COPG2: variants seen among roughly 807,000 people sequenced by gnomAD.
The protein encoded by COPG2 is coat protein complex I subunit gamma 2, also known as coatomer subunit gamma-2.
COPG2 carries 37 observed loss-of-function variants against 46.3 expected under a neutral mutation model. That is an observed-to-expected ratio of 0.80 (90% CI 0.61 to 1.05). The LOEUF (loss-of-function observed/expected upper bound fraction) is 1.05. Among genes scored for constraint, COPG2 ranks in the 50% least tolerant of loss-of-function variants. COPG2 has a pLI of 0.00. For missense variants in COPG2, 427 were observed against 387.8 expected (o/e 1.10, Z -0.85); for synonymous variants, 159 against 129.7 (o/e 1.23, Z -1.53).
intron 9 of COPG2, among the ~76,000 whole-genome samples, chr7:130,591,032 C>A (rs1794397782): frequency 6.6e-6 from 1 of 151,128 alleles, no homozygotes. Context: ...GCCACCCCCT[C>A]CAGGAGGGAG....
intron 5 of COPG2, chr7:130,645,454 C>T (rs17647828): frequency 0.058 from 20,255 of 351,138 alleles, 703 homozygotes; most frequent in South Asian, 0.089. Flanking sequence ...ATGTCTTTCT[C>T]CAACCGGACC....
intron 9 of COPG2, among the ~76,000 whole-genome samples, chr7:130,578,945 C>G (rs1794074190): frequency 6.7e-6 from 1 of 149,174 alleles, no homozygotes; most frequent in South Asian, 2.2e-4. Flanking sequence ...TCCAGCAGAA[C>G]TTCCCCAATC....
intron 20 of COPG2, among the ~76,000 whole-genome samples, chr7:130,537,847 A>T (rs895924068): frequency 7.9e-5 from 12 of 152,036 alleles, no homozygotes; most frequent in African/African-American, 2.9e-4. Context: ...AATGAAGGAG[A>T]GGTGAGATGA....
chr7:130,659,260 C>A (rs1439716601), intron 4 of COPG2, among the ~76,000 whole-genome samples: 2 of 145,736 alleles, frequency 1.4e-5, no homozygotes, highest in African/African-American at 5.1e-5. Flanking sequence ...GAGGCTGAGG[C>A]AGGAGAATGG....
chr7:130,507,447 G>T (rs1252260867), intron 22 of COPG2, 75 bp from the exon 23 acceptor site: 1 of 766,022 alleles, frequency 1.3e-6, no homozygotes, highest in African/African-American at 1.7e-5. Context: ...AGTGTATGCT[G>T]GGAGCTGGGG....
At chr7:130,645,586 C>T (rs572193298) in intron 5 of COPG2, 8 of 174,548 alleles carry the variant, frequency 4.6e-5, no homozygotes, top group Non-Finnish European at 8.4e-5. Flanking sequence ...ACATCCCCCA[C>T]GCTCACCCAT....
intron 20 of COPG2, among the ~76,000 whole-genome samples, chr7:130,538,638 C>A (rs1251118266): frequency 6.7e-6 from 1 of 150,016 alleles, no homozygotes; most frequent in African/African-American, 2.5e-5. Context: ...ATTCAGACAG[C>A]ACCTGCATGG....
intron 9 of COPG2, among the ~76,000 whole-genome samples, chr7:130,591,149 T>C (rs1554448787): frequency 8.4e-6 from 1 of 119,368 alleles, no homozygotes; most frequent in African/African-American, 3.3e-5. Flanking sequence ...GTGGGGGGGG[T>C]CAGCCCCCCG....
intron 6 of COPG2, among the ~76,000 whole-genome samples, chr7:130,614,809 A>G (rs1460003271): frequency 2.0e-5 from 3 of 152,222 alleles, no homozygotes; most frequent in African/African-American, 7.2e-5. Context: ...AAAATATTTC[A>G]TAGGGAAGTT....
chr7:130,508,424 C>G, intron 21 of COPG2, 138 bp downstream of exon 21: 1 of 608,840 alleles, frequency 1.6e-6, no homozygotes, highest in Non-Finnish European at 3.0e-6. Context: ...CCAGGTCCTC[C>G]TAATTTGTCA....
At chr7:130,509,401 G>A in intron 20 of COPG2, 1 of 434,242 alleles carries the variant, frequency 2.3e-6, no homozygotes, top group Non-Finnish European at 4.6e-6. Flanking sequence ...AAGCAGGGAT[G>A]AAGAAAAGGC....
intron 5 of COPG2, among the ~76,000 whole-genome samples, chr7:130,632,521 A>C (rs1302370828): frequency 6.6e-6 from 1 of 151,968 alleles, no homozygotes; most frequent in African/African-American, 2.4e-5. Flanking sequence ...TTATTTTCTC[A>C]AATTTTTTTT....
At chr7:130,616,734 TG>T (rs1277255737) in intron 6 of COPG2, among the ~76,000 whole-genome samples, 2 of 152,224 alleles carry the variant, frequency 1.3e-5, no homozygotes, top group Non-Finnish European at 2.9e-5. Flanking sequence ...AATGGGTTTT[TG>T]TTTCCTGCAA....
At position 130,603,532 on chromosome 7, in the gene COPG2, G is replaced by A. The variant is rs1052959344; in HGVS notation, c.737+7421C>T. On this transcript the variant is annotated intron_variant, in intron 9 of 23. Coordinates refer to ENST00000425248, the MANE Select transcript of COPG2 (RefSeq NM_012133.6). ...GTCAGAAGTTCAAGACCAGCCTGGCGAACATGGTCACACTCCGTCTCTACT... is the reference window on the plus strand; with the variant it reads ...GTCAGAAGTTCAAGACCAGCCTGGCAAACATGGTCACACTCCGTCTCTACT... Among the ~76,000 whole-genome samples the A allele has an allele frequency of 1.1e-4, 17 of 151,732 alleles. No individual in the cohort carries two copies. The East Asian group carries it at 1.4e-3, about 12-fold the overall frequency.
At chr7:130,615,323 T>TCC (rs1794932012) in intron 6 of COPG2, among the ~76,000 whole-genome samples, 1 of 152,192 alleles carries the variant, frequency 6.6e-6, no homozygotes, top group Non-Finnish European at 1.5e-5. Context: ...ATCAGAAAGT[T>TCC]ATATGAGGAG....
chr7:130,636,131 A>T (rs9656393), intron 5 of COPG2, among the ~76,000 whole-genome samples: 121,876 of 152,030 alleles, frequency 0.8, 49,085 homozygotes, highest in Non-Finnish European at 0.85. Context: ...AATTATGTGG[A>T]CAATTTTAGA....
intron 5 of COPG2, among the ~76,000 whole-genome samples, chr7:130,629,135 AAC>A (rs1795175901): frequency 6.6e-6 from 1 of 152,252 alleles, no homozygotes; most frequent in Non-Finnish European, 1.5e-5. Context: ...TTCTGAAAAA[AAC>A]AGTCTACTAT....
At position 130,506,630 on chromosome 7, in the gene COPG2, C is replaced by T; in HGVS notation, c.*46G>A. Reference sequence around the variant, plus strand: ...AACTGATGCCACTAGCCTAAAAGCCCACTGACCATGTAGTGTGCATCAGTT... The same window carrying T: ...AACTGATGCCACTAGCCTAAAAGCCTACTGACCATGTAGTGTGCATCAGTT... On this transcript the variant is annotated 3_prime_UTR_variant, in exon 24 of 24. Transcript: ENST00000425248. 1 of 719,060 alleles carries T rather than the reference C, an allele frequency of 1.4e-6. No homozygotes were observed. Among genetic ancestry groups the T allele is most frequent in the Non-Finnish European group, 2.6e-6 (1 of 387,310 alleles). 44.5% of individuals were successfully genotyped at this position (719,060 alleles called of 1,614,324 possible).
rs550054572 is a variant in COPG2, at chr7:130,620,180, T to C, written c.324-3115A>G. Reference sequence around the variant, plus strand: ...CAAAAGTTTTGCCCTCTCATCTCTATTAAATTGCTTAAATTTTTTTCTTTT... The same window carrying C: ...CAAAAGTTTTGCCCTCTCATCTCTACTAAATTGCTTAAATTTTTTTCTTTT... On this transcript the variant is annotated intron_variant, in intron 5 of 23. Coordinates refer to ENST00000425248, the MANE Select transcript of COPG2 (RefSeq NM_012133.6). Among the ~76,000 whole-genome samples the C allele has an allele frequency of 5.9e-5, 9 of 152,332 alleles. No individual in the cohort carries two copies. In the South Asian group the frequency reaches 1.9e-3, roughly 32 times the overall value.
Sources: gnomAD v4.1 joint callset for allele counts (sites outside exome capture counted in the v4.1 genomes callset) on GRCh38, gnomAD v4.1.1 for gene constraint, MANE v1.5 for transcripts, NCBI Gene and HGNC (gene_info 2026-07-23, HGNC 2026-07-21) for gene names.